Variants in HTRA1 observed in about 807,000 individuals in gnomAD.
HTRA1 encodes HtrA serine peptidase 1.
Under a neutral mutation model 49.7 loss-of-function variants are expected in HTRA1, and 26 were observed. The ratio of observed to expected loss-of-function variants is 0.52; its 90% CI spans 0.38 to 0.73. The LOEUF (loss-of-function observed/expected upper bound fraction) is 0.73, where lower values mean the gene tolerates loss of function less well. Ranked by LOEUF, HTRA1 falls within the 30% of genes least tolerant of loss-of-function variation. The pLI, the probability that HTRA1 is intolerant of heterozygous loss-of-function variation, is 0.00. For synonymous variants in HTRA1, 291 were observed against 286.9 expected, an observed-to-expected ratio of 1.01 and a Z score of -0.14; for missense variants, 561 against 667.2, an observed-to-expected ratio of 0.84 and a Z score of 1.75.
intron 3 of HTRA1, among the ~76,000 whole-genome samples, chr10:122,493,106 G>A (rs573632871): frequency 1.1e-4 from 17 of 152,130 alleles, no homozygotes; most frequent in Non-Finnish European, 2.4e-4. Flanking sequence ...ACACATGTGC[G>A]CTCACTTTGC....
At chr10:122,463,785 A>G (rs979121889) in intron 1 of HTRA1, among the ~76,000 whole-genome samples, 2 of 152,218 alleles carry the variant, frequency 1.3e-5, no homozygotes, top group Admixed American at 1.3e-4. Context: ...CTTAACTCCA[A>G]GGGTGTGGGA....
intron 3 of HTRA1, among the ~76,000 whole-genome samples, chr10:122,503,220 C>A (rs1239055634): frequency 1.3e-5 from 2 of 152,260 alleles, no homozygotes; most frequent in Non-Finnish European, 2.9e-5. Context: ...CTGTGCACTT[C>A]CAGCCATATC....
intron 1 of HTRA1, among the ~76,000 whole-genome samples, chr10:122,475,122 C>G (rs552521213): frequency 2.7e-4 from 41 of 152,340 alleles, no homozygotes; most frequent in African/African-American, 9.6e-4. Flanking sequence ...GAGAGACTGC[C>G]TTAGCCTTGT....
At chr10:122,477,854 A>G (rs887428239) in intron 1 of HTRA1, among the ~76,000 whole-genome samples, 13 of 152,182 alleles carry the variant, frequency 8.5e-5, no homozygotes, top group African/African-American at 3.1e-4. Flanking sequence ...CCTCTGCATG[A>G]TGCATTTTAT....
chr10:122,484,421 C>T (rs2097492264), intron 1 of HTRA1, among the ~76,000 whole-genome samples: 1 of 152,150 alleles, frequency 6.6e-6, no homozygotes, highest in Admixed American at 6.5e-5. Context: ...CACACAGCTT[C>T]CCTGGATCAT....
intron 3 of HTRA1, among the ~76,000 whole-genome samples, chr10:122,492,334 T>C (rs1463563053): frequency 1.3e-5 from 2 of 152,166 alleles, no homozygotes; most frequent in Non-Finnish European, 2.9e-5. Flanking sequence ...CATGTTTATT[T>C]CATTTTATTT....
chr10:122,469,774 G>A (rs2097485355), intron 1 of HTRA1, among the ~76,000 whole-genome samples: 1 of 152,218 alleles, frequency 6.6e-6, no homozygotes, highest in Non-Finnish European at 1.5e-5. Context: ...GGCAGAGCCA[G>A]GATTTGAGCC....
intron 1 of HTRA1, among the ~76,000 whole-genome samples, chr10:122,467,199 A>G (rs934331118): frequency 6.6e-6 from 1 of 152,214 alleles, no homozygotes. Context: ...AAGTGAATAA[A>G]TAGCTCTGGT....
At chr10:122,481,416 C>T (rs779853150) in intron 1 of HTRA1, among the ~76,000 whole-genome samples, 9 of 152,192 alleles carry the variant, frequency 5.9e-5, no homozygotes, top group South Asian at 4.2e-4. Context: ...GGCAAGAGAC[C>T]GTGGCCCCAA....
rs762442712 is a variant in HTRA1 at position 122,464,914 on chromosome 10, G to A, written c.472+2790G>A. On this transcript the variant is annotated intron_variant, in intron 1 of 8. Transcript: ENST00000368984. This position sits in a 1 kb window ranked among gnomAD's most constrained non-coding sequence, Gnocchi z 4.8. Reference sequence around the variant, plus strand: ...CCTGGAGTTGGAGCAAGTCATACACGGATCTGGAGACAGAGCTCTCGAGGC... The same window carrying A: ...CCTGGAGTTGGAGCAAGTCATACACAGATCTGGAGACAGAGCTCTCGAGGC... Among the ~76,000 whole-genome samples the A allele has an allele frequency of 6.6e-6, 1 of 152,174 alleles. No individual in the cohort carries two copies. The highest frequency in any genetic ancestry group is 1.5e-5 in the Non-Finnish European group (1 of 68,034).
chr10:122,510,368 T>C (rs918620629), intron 7 of HTRA1, among the ~76,000 whole-genome samples: 1 of 152,242 alleles, frequency 6.6e-6, no homozygotes, highest in Non-Finnish European at 1.5e-5. Context: ...GCTGGTTTTC[T>C]TCACTGGCAG....
intron 1 of HTRA1, among the ~76,000 whole-genome samples, chr10:122,478,518 G>C (rs1432682850): frequency 6.7e-6 from 1 of 149,186 alleles, no homozygotes; most frequent in Non-Finnish European, 1.5e-5. Flanking sequence ...TCAGCCTCCC[G>C]AGTAGCTGGG....
intron 1 of HTRA1, among the ~76,000 whole-genome samples, chr10:122,471,551 C>T (rs1243395975): frequency 6.6e-6 from 1 of 152,182 alleles, no homozygotes; most frequent in African/African-American, 2.4e-5. Flanking sequence ...CTGGTGGCTT[C>T]CCAAAGCCAC....
At chr10:122,469,658 G>A (rs896049751) in intron 1 of HTRA1, among the ~76,000 whole-genome samples, 5 of 152,168 alleles carry the variant, frequency 3.3e-5, no homozygotes, top group Admixed American at 2.6e-4. Flanking sequence ...TTCTTACCTT[G>A]TAGCCACCCA....
At chr10:122,485,305 T>C (rs187258578) in intron 1 of HTRA1, among the ~76,000 whole-genome samples, 2 of 152,386 alleles carry the variant, frequency 1.3e-5, no homozygotes, top group Admixed American at 1.3e-4. Flanking sequence ...CTTTTTCATC[T>C]GAGATGCACC....
chr10:122,492,625 C>T (rs1414407502), intron 3 of HTRA1, among the ~76,000 whole-genome samples: 7 of 152,166 alleles, frequency 4.6e-5, no homozygotes, highest in Non-Finnish European at 7.4e-5. Context: ...TGAGCCATTG[C>T]GCGTGGCTGT....
chr10:122,481,305 C>T (rs1420298531), intron 1 of HTRA1, among the ~76,000 whole-genome samples: 3 of 152,112 alleles, frequency 2.0e-5, no homozygotes, highest in African/African-American at 4.8e-5. Context: ...ACAAATATAT[C>T]TCATTTAACC....
rs1264883681 is a variant in HTRA1, at chr10:122,461,670, CG to C, written c.19del (p.Ala7LeufsTer208). Reference sequence around the variant, plus strand: ...GAGTCGCCATGCAGATCCCGCGCGCCGCTCTTCTCCCGCTGCTGCTGCTGCT... The same window carrying C: ...GAGTCGCCATGCAGATCCCGCGCGCCCTCTTCTCCCGCTGCTGCTGCTGCT... MQIPRA[A>X]LLPLLLLLLA... On this transcript the variant is annotated frameshift_variant, in exon 1 of 9. Coordinates refer to ENST00000368984, the MANE Select transcript of HTRA1 (RefSeq NM_002775.5). LOFTEE classifies it high-confidence loss of function. 1 of 1,313,964 alleles carries C rather than the reference CG, an allele frequency of 7.6e-7. No homozygotes were observed. The highest frequency in any genetic ancestry group is 9.8e-7 in the Non-Finnish European group (1 of 1,016,406). 81.4% of individuals were successfully genotyped at this position (1,313,964 alleles called of 1,614,324 possible).
At position 122,494,213 on chromosome 10, in the gene HTRA1, G is replaced by A. The variant is rs2097497414; in HGVS notation, c.777+4587G>A. On this transcript the variant is annotated intron_variant, in intron 3 of 8. Coordinates refer to ENST00000368984, the MANE Select transcript of HTRA1 (RefSeq NM_002775.5). This position sits in a 1 kb window ranked among gnomAD's most constrained non-coding sequence, Gnocchi z 4.0. ...CAAATGAAGTTCATCTCTGCAGCTG[G>A]ACTGCGGGGTTGGGGGCACATCCGG... Among the ~76,000 whole-genome samples, 1 of 152,274 alleles carries A rather than the reference G, an allele frequency of 6.6e-6. No individual in the cohort carries two copies. Among genetic ancestry groups the A allele is most frequent in the South Asian group, 2.1e-4 (1 of 4,818 alleles).
Sources: gnomAD v4.1 joint callset for allele counts (sites outside exome capture counted in the v4.1 genomes callset) on GRCh38, gnomAD v4.1.1 for gene constraint, Gnocchi (gnomAD v3.1) non-coding constraint, MANE v1.5 for transcripts, NCBI Gene and HGNC (gene_info 2026-07-23, HGNC 2026-07-21) for gene names.